The following ADAM22 variants were observed in gnomAD, a reference collection of about 807,000 sequenced individuals.
ADAM22 encodes the protein ADAM metallopeptidase domain 22.
A neutral mutation model predicts 144.6 loss-of-function variants in ADAM22; 65 were observed. The observed-to-expected ratio is 0.45, with a 90% CI of 0.37 to 0.55. The LOEUF (loss-of-function observed/expected upper bound fraction) is 0.55. Ranked by LOEUF, ADAM22 falls within the 20% of genes least tolerant of loss-of-function variation. ADAM22 has a pLI of 0.00. For synonymous variants in ADAM22, 391 were observed against 412.6 expected (o/e 0.95, Z 0.63); for missense variants, 974 against 1,184.9 (o/e 0.82, Z 2.61).
chr7:88,134,199 G>A, intron 12 of ADAM22, 130 bp from the exon 13 acceptor site: 1 of 622,390 alleles, frequency 1.6e-6, no homozygotes, highest in South Asian at 2.1e-5. Flanking sequence ...TGGCTACAGT[G>A]TGTTCAGCCT....
intron 2 of ADAM22, among the ~76,000 whole-genome samples, chr7:87,972,621 G>T (rs555238769): frequency 7.3e-6 from 1 of 136,286 alleles, no homozygotes; most frequent in Non-Finnish European, 1.6e-5. Context: ...AGCCCGCATC[G>T]CCAAGTCAAT....
intron 3 of ADAM22, among the ~76,000 whole-genome samples, chr7:88,036,996 G>A (rs1012439244): frequency 2.6e-5 from 4 of 151,964 alleles, no homozygotes; most frequent in Non-Finnish European, 4.4e-5. Flanking sequence ...ACATTTCCAT[G>A]TATTCCACAT....
chr7:88,176,293 T>C (rs1845649055), intron 26 of ADAM22, among the ~76,000 whole-genome samples: 1 of 152,206 alleles, frequency 6.6e-6, no homozygotes, highest in Non-Finnish European at 1.5e-5. Flanking sequence ...ACATTTACCA[T>C]GTGAAGAAAG....
At chr7:87,999,781 A>G (rs1259777805) in intron 3 of ADAM22, among the ~76,000 whole-genome samples, 6 of 152,152 alleles carry the variant, frequency 3.9e-5, no homozygotes, top group Admixed American at 1.3e-4. Context: ...TAGATTCTCA[A>G]TTGAATATTT....
intron 4 of ADAM22, among the ~76,000 whole-genome samples, chr7:88,105,499 T>C (rs1457085858): frequency 1.3e-5 from 2 of 152,224 alleles, no homozygotes; most frequent in Non-Finnish European, 2.9e-5. Context: ...ACTCAGAATC[T>C]GATCTGTGGA....
chr7:88,190,197 G>A (rs1340590016), intron 30 of ADAM22, among the ~76,000 whole-genome samples: 1 of 152,172 alleles, frequency 6.6e-6, no homozygotes. Context: ...CCTTTATTGT[G>A]TAATTCTAAT....
intron 3 of ADAM22, among the ~76,000 whole-genome samples, chr7:88,013,154 C>T (rs1317013159): frequency 2.0e-5 from 3 of 152,200 alleles, no homozygotes; most frequent in Admixed American, 6.5e-5. Flanking sequence ...CCCAAGTCTT[C>T]CACCAATTTA....
intron 14 of ADAM22, among the ~76,000 whole-genome samples, chr7:88,139,660 A>T (rs1425629160): frequency 6.6e-6 from 1 of 152,156 alleles, no homozygotes; most frequent in Non-Finnish European, 1.5e-5. Context: ...ACCAAGGAAG[A>T]TTAAATGAAA....
intron 15 of ADAM22, among the ~76,000 whole-genome samples, chr7:88,144,765 T>A (rs976639029): frequency 1.3e-5 from 2 of 152,106 alleles, no homozygotes; most frequent in African/African-American, 4.8e-5. Flanking sequence ...TGACTCCAAA[T>A]TCCCCTGCTT....
intron 3 of ADAM22, among the ~76,000 whole-genome samples, chr7:88,004,953 G>A (rs1411162877): frequency 2.0e-5 from 3 of 152,052 alleles, no homozygotes; most frequent in African/African-American, 7.2e-5. Flanking sequence ...TTTGACTTTG[G>A]ATAATCCAGC....
In ADAM22 at chr7:87,998,113, G is replaced by T. The variant is rs551533761; in HGVS notation, c.323+19701G>T. On this transcript the variant is annotated intron_variant, in intron 3 of 31. Coordinates refer to ENST00000413139, the MANE Select transcript of ADAM22 (RefSeq NM_001324418.2). ...GCATCCAGCACAGGAGGAAGATAGA[G>T]GCCGGAAGACTTAGCCAGTCTAGTC... 4.6e-5 allele frequency among the ~76,000 whole-genome samples: 7 copies of T among 152,286 alleles called. No homozygotes were observed. The South Asian group carries it at 8.3e-4, about 18-fold the overall frequency.
intron 3 of ADAM22, among the ~76,000 whole-genome samples, chr7:87,984,936 T>C (rs377129286): frequency 1.3e-5 from 2 of 152,158 alleles, no homozygotes; most frequent in Middle Eastern, 3.4e-3. Flanking sequence ...TCTCCCAAAA[T>C]GTTGAGATTA....
intron 2 of ADAM22, among the ~76,000 whole-genome samples, chr7:87,959,606 A>G (rs1281424959): frequency 6.6e-6 from 1 of 152,210 alleles, no homozygotes; most frequent in Non-Finnish European, 1.5e-5. Flanking sequence ...CTCCGTTTTA[A>G]TAGTCTGTTT....
At chr7:88,139,609 G>A (rs1182276003) in intron 14 of ADAM22, among the ~76,000 whole-genome samples, 1 of 152,102 alleles carries the variant, frequency 6.6e-6, no homozygotes, top group Non-Finnish European at 1.5e-5. Context: ...GAAACAGATG[G>A]CTTGGTTGGT....
intron 22 of ADAM22, among the ~76,000 whole-genome samples, chr7:88,158,091 A>T (rs934047618): frequency 1.3e-5 from 2 of 152,152 alleles, no homozygotes; most frequent in Admixed American, 1.3e-4. Flanking sequence ...GAAAAAAAGC[A>T]GGGTTGCAAT....
chr7:88,150,893 A>G, intron 18 of ADAM22, 88 bp from the exon 19 acceptor site: 1 of 1,147,058 alleles, frequency 8.7e-7, no homozygotes. Context: ...ATTAACAAAT[A>G]TGTTTTTAAA....
At chr7:87,951,787 TCC>T (rs1329712090) in intron 2 of ADAM22, among the ~76,000 whole-genome samples, 2 of 114,380 alleles carry the variant, frequency 1.7e-5, no homozygotes, top group Non-Finnish European at 3.5e-5. Flanking sequence ...GGAACGTTCT[TCC>T]ATTTGTTTGT....
chr7:87,991,352 A>ATTTTTT (rs10549124), intron 3 of ADAM22, among the ~76,000 whole-genome samples: 3 of 86,034 alleles, frequency 3.5e-5, no homozygotes, highest in African/African-American at 4.8e-5. Context: ...CACTAGCCTT[A>ATTTTTT]TTTTTTTTTT....
chr7:87,934,594 G>A, intron 1 of ADAM22, 44 bp downstream of exon 1: 4 of 1,564,440 alleles, frequency 2.6e-6, no homozygotes, highest in Non-Finnish European at 3.5e-6. Context: ...ACCATTTCCC[G>A]GGAATCTTTG....
Sources: gnomAD v4.1 joint callset for allele counts (sites outside exome capture counted in the v4.1 genomes callset) on GRCh38, gnomAD v4.1.1 for gene constraint, MANE v1.5 for transcripts, NCBI Gene and HGNC (gene_info 2026-07-23, HGNC 2026-07-21) for gene names.